The following CHN2 variants were observed in gnomAD, a reference collection of about 807,000 sequenced individuals.
The protein encoded by CHN2 is chimerin 2, also known as beta-chimaerin.
In CHN2, 35 loss-of-function variants were observed where a neutral mutation model predicts 56.3. That is an observed-to-expected ratio of 0.62 (90% CI 0.47 to 0.82). The LOEUF (loss-of-function observed/expected upper bound fraction) is 0.82, where lower values mean the gene tolerates loss of function less well. CHN2 is among the 40% of genes least tolerant of loss of function. The pLI, the probability that CHN2 is intolerant of heterozygous loss-of-function variation, is 0.00. For missense variants in CHN2, 491 were observed against 580.5 expected (o/e 0.85, Z 1.58); for synonymous variants, 210 against 212.8 (o/e 0.99, Z 0.12).
At chr7:29,277,844 T>C (rs1413013858) in intron 1 of CHN2, among the ~76,000 whole-genome samples, 1 of 152,146 alleles carries the variant, frequency 6.6e-6, no homozygotes, top group East Asian at 1.9e-4. Context: ...TTAGCTCCCA[T>C]TTATTGAGTG....
At chr7:29,269,078 C>G (rs1233548450) in intron 1 of CHN2, among the ~76,000 whole-genome samples, 1 of 152,170 alleles carries the variant, frequency 6.6e-6, no homozygotes, top group Non-Finnish European at 1.5e-5. Flanking sequence ...TTCAATTCCA[C>G]TCTTCTAGTT....
At chr7:29,292,379 T>A (rs905985619) in intron 1 of CHN2, among the ~76,000 whole-genome samples, 18 of 151,526 alleles carry the variant, frequency 1.2e-4, no homozygotes, top group African/African-American at 4.4e-4. Flanking sequence ...CAAACACTAA[T>A]AAATATTGAG....
chr7:29,220,280 A>AAGAGAGAGAGAGAG lies in CHN2; in HGVS notation c.49+25298_49+25311dup, dbSNP rs60474405. Among the ~76,000 whole-genome samples the AAGAGAGAGAGAGAG allele has an allele frequency of 5.8e-3, 807 of 138,144 alleles. 5 individuals carry two copies. The highest frequency in any genetic ancestry group is 0.021 in the African/African-American group (761 of 36,944). The allele number at this position is 138,144 out of a possible 152,430, so 90.6% of individuals were successfully genotyped here. On this transcript the variant is annotated intron_variant, in intron 1 of 12. Transcript: ENST00000222792. ...GGGAGACCCTGTCTTAAAAAAAAAAAAGAGAGAGAGAGAGAGAGAGAAAGC... is the reference window on the plus strand; with the variant it reads ...GGGAGACCCTGTCTTAAAAAAAAAAAAGAGAGAGAGAGAGAGAGAGAGAGAGAGAGAGAGAAAGC...
intron 1 of CHN2, among the ~76,000 whole-genome samples, chr7:29,219,603 A>G (rs193533): frequency 0.24 from 36,742 of 152,090 alleles, 4,996 homozygotes; most frequent in East Asian, 0.53. Flanking sequence ...GTTTTAAGAT[A>G]CTTTACTAAG....
At chr7:29,465,404 A>G (rs1031586033) in intron 6 of CHN2, among the ~76,000 whole-genome samples, 28 of 152,188 alleles carry the variant, frequency 1.8e-4, no homozygotes, top group African/African-American at 6.8e-4. Flanking sequence ...ACATGCACAC[A>G]CCTATATAAA....
intron 1 of CHN2, among the ~76,000 whole-genome samples, chr7:29,228,712 A>G (rs1786425418): frequency 6.6e-6 from 1 of 152,250 alleles, no homozygotes; most frequent in Non-Finnish European, 1.5e-5. Context: ...ATATTGGGAA[A>G]TAAATACATC....
At chr7:29,367,906 C>T (rs549229323) in intron 2 of CHN2, 26 bp from the exon 3 acceptor site, 21 of 1,474,674 alleles carry the variant, frequency 1.4e-5, no homozygotes, top group Non-Finnish European at 1.9e-5. Context: ...AATTATTTCT[C>T]TCTCTCTCTC....
intron 1 of CHN2, among the ~76,000 whole-genome samples, chr7:29,351,844 T>C (rs1225301704): frequency 6.6e-6 from 1 of 152,188 alleles, no homozygotes; most frequent in Non-Finnish European, 1.5e-5. Flanking sequence ...TTATTCCATG[T>C]GCAGGGAAGA....
chr7:29,470,433 C>G (rs560495244), intron 6 of CHN2, among the ~76,000 whole-genome samples: 1 of 152,320 alleles, frequency 6.6e-6, no homozygotes, highest in East Asian at 1.9e-4. Context: ...TGATTGTTCA[C>G]TGTAAAAAGC....
At chr7:29,264,442 G>A (rs927320105) in intron 1 of CHN2, among the ~76,000 whole-genome samples, 11 of 152,178 alleles carry the variant, frequency 7.2e-5, no homozygotes, top group Non-Finnish European at 1.6e-4. Flanking sequence ...AGTAGACCTG[G>A]GAGACTCCAT....
At chr7:29,358,337 G>C (rs1050960130) in intron 2 of CHN2, among the ~76,000 whole-genome samples, 1 of 152,174 alleles carries the variant, frequency 6.6e-6, no homozygotes, top group Non-Finnish European at 1.5e-5. Context: ...GTTTGAGGCT[G>C]TAGGGAGCTA....
At position 29,305,361 on chromosome 7, in the gene CHN2, C is replaced by T. The variant is rs146286903; in HGVS notation, c.50-49264C>T. Among the ~76,000 whole-genome samples the T allele has an allele frequency of 7.6e-3, 1,150 of 152,220 alleles. 5 individuals carry two copies. The highest frequency in any genetic ancestry group is 0.013 in the Non-Finnish European group (873 of 68,012). On this transcript the variant is annotated intron_variant, in intron 1 of 12. Coordinates refer to ENST00000222792, the MANE Select transcript of CHN2 (RefSeq NM_004067.4). The stretch of plus-strand genomic sequence containing the variant: ...AAAAGAAATGGCATGGAGAAAACAT[C>T]CCTTTACCTGCTGTCCATATTCTAC...
chr7:29,181,322 C>G (rs1399651244), intron 2 of CHN2: 2 of 152,180 alleles, frequency 1.3e-5, no homozygotes, highest in African/African-American at 4.8e-5. Context: ...CTGGCAGCAA[C>G]ATTTATATAG....
chr7:29,266,308 C>T (rs781661813), intron 1 of CHN2, among the ~76,000 whole-genome samples: 13 of 152,134 alleles, frequency 8.5e-5, no homozygotes, highest in Non-Finnish European at 1.5e-4. Flanking sequence ...CCGTCAACAC[C>T]GACAAAGGGT....
chr7:29,352,006 G>T (rs1477552461), intron 1 of CHN2, among the ~76,000 whole-genome samples: 3 of 152,182 alleles, frequency 2.0e-5, no homozygotes, highest in Non-Finnish European at 4.4e-5. Flanking sequence ...TTAGGGGCCA[G>T]TGTTTCAGAT....
intron 1 of CHN2, among the ~76,000 whole-genome samples, chr7:29,236,852 C>T (rs1453513584): frequency 2.0e-5 from 3 of 152,166 alleles, no homozygotes; most frequent in Non-Finnish European, 1.5e-5. Flanking sequence ...CTGCTTCTGT[C>T]ATCACTTCTC....
intron 2 of CHN2, among the ~76,000 whole-genome samples, chr7:29,366,591 A>G (rs148695474): frequency 0.011 from 1,609 of 152,306 alleles, 15 homozygotes; most frequent in Non-Finnish European, 0.019. Context: ...ACAGGGAGGC[A>G]GGTGTGTAGA....
intron 1 of CHN2, among the ~76,000 whole-genome samples, chr7:29,291,026 G>T (rs547562943): frequency 6.6e-6 from 1 of 152,144 alleles, no homozygotes; most frequent in Non-Finnish European, 1.5e-5. Context: ...TTCCCTGGGG[G>T]TGGGTTGTTT....
rs1166611605 is a variant in CHN2 at position 29,252,880 on chromosome 7, C to A, written c.49+57890C>A. Among the ~76,000 whole-genome samples, 3 of 117,810 alleles carry A rather than the reference C, an allele frequency of 2.5e-5. 1 individual carries two copies. Among genetic ancestry groups the A allele is most frequent in the African/African-American group, 1.3e-4 (2 of 15,602 alleles). The allele number at this position is 117,810 out of a possible 152,430, so 77.3% of individuals were successfully genotyped here. On this transcript the variant is annotated intron_variant, in intron 1 of 12. Transcript: ENST00000222792. ...AAAGTGCTGGGATTACAGGCGTGAG[C>A]CACCGCGCCCGGCCCTCTAAAATTG...
Sources: gnomAD v4.1 joint callset for allele counts (sites outside exome capture counted in the v4.1 genomes callset) on GRCh38, gnomAD v4.1.1 for gene constraint, MANE v1.5 for transcripts, NCBI Gene and HGNC (gene_info 2026-07-23, HGNC 2026-07-21) for gene names.